Variants in CDH8 observed in about 807,000 individuals in gnomAD.
CDH8 encodes cadherin 8, also known as cadherin-8.
In CDH8, 17 loss-of-function variants were observed where a neutral mutation model predicts 68.1. The ratio of observed to expected loss-of-function variants is 0.25; its 90% CI spans 0.17 to 0.37. CDH8 has a LOEUF of 0.37. CDH8 is among the 10% of genes least tolerant of loss of function. CDH8 has a pLI of 1.00. For missense variants in CDH8, 763 were observed against 999.3 expected, an observed-to-expected ratio of 0.76 and a Z score of 3.19; for synonymous variants, 372 against 365.1, an observed-to-expected ratio of 1.02 and a Z score of -0.21.
chr16:61,895,353 T>TA (rs1440335945), intron 3 of CDH8, among the ~76,000 whole-genome samples: 1 of 152,180 alleles, frequency 6.6e-6, no homozygotes, highest in East Asian at 1.9e-4. Flanking sequence ...CTCAGCCACT[T>TA]AATATCTGAC....
intron 2 of CDH8, among the ~76,000 whole-genome samples, chr16:62,008,508 G>A (rs544658548): frequency 1.3e-5 from 2 of 151,666 alleles, no homozygotes; most frequent in African/African-American, 4.8e-5. Flanking sequence ...TTCTTTCTTG[G>A]GGGTTTGATG....
At chr16:61,814,249 T>A (rs954846507) in intron 7 of CDH8, among the ~76,000 whole-genome samples, 1 of 152,168 alleles carries the variant, frequency 6.6e-6, no homozygotes, top group African/African-American at 2.4e-5. Context: ...CTCCCTAAAT[T>A]CAAAATATGT....
At position 61,685,183 on chromosome 16, in the gene CDH8, G is replaced by GA. The variant is rs11357299; in HGVS notation, c.1654+28657dup. ...TTGTTTTCTCTAAAGGGTCCTGTCT[G>GA]AAAAAAAAAAAAAAAACCTACAGAT... On this transcript the variant is annotated intron_variant, in intron 10 of 11. Coordinates refer to ENST00000577390, the MANE Select transcript of CDH8 (RefSeq NM_001796.5). Among the ~76,000 whole-genome samples, 689 of 115,614 alleles carry GA rather than the reference G, an allele frequency of 6.0e-3. 1 individual carries two copies. Among genetic ancestry groups the GA allele is most frequent in the Middle Eastern group, 0.01 (2 of 200 alleles). 75.8% of individuals were successfully genotyped at this position (115,614 alleles called of 152,430 possible). A position where few individuals can be genotyped will look rare whatever the true frequency, so the allele number is the denominator to read the frequency against.
intron 8 of CDH8, among the ~76,000 whole-genome samples, chr16:61,774,459 G>GAAAAAAAAA (rs11318433): frequency 1.6e-5 from 2 of 123,216 alleles, no homozygotes; most frequent in African/African-American, 3.0e-5. Context: ...ATCACTCAGG[G>GAAAAAAAAA]AAAAAAAAAA....
intron 2 of CDH8, among the ~76,000 whole-genome samples, chr16:62,003,111 T>C (rs1037837903): frequency 1.3e-5 from 2 of 152,114 alleles, no homozygotes; most frequent in African/African-American, 4.8e-5. Context: ...GGTTACAAAT[T>C]GTCTTAATAA....
chr16:61,828,978 A>G (rs1195292790), intron 4 of CDH8, among the ~76,000 whole-genome samples: 1 of 151,792 alleles, frequency 6.6e-6, no homozygotes, highest in African/African-American at 2.4e-5. Context: ...TGGTGGCTAG[A>G]GTACAGAATA....
At chr16:61,675,768 A>G (rs1028318841) in intron 10 of CDH8, among the ~76,000 whole-genome samples, 5 of 151,672 alleles carry the variant, frequency 3.3e-5, no homozygotes, top group African/African-American at 1.2e-4. Context: ...CTATGAAGAA[A>G]AATTATTACA....
chr16:61,660,575 C>G (rs1262633576), intron 10 of CDH8, among the ~76,000 whole-genome samples: 1 of 151,804 alleles, frequency 6.6e-6, no homozygotes, highest in Non-Finnish European at 1.5e-5. Flanking sequence ...AAAAAATAGT[C>G]TATACATCCA....
At chr16:61,939,071 C>A (rs1350613372) in intron 2 of CDH8, among the ~76,000 whole-genome samples, 2 of 152,186 alleles carry the variant, frequency 1.3e-5, no homozygotes, top group African/African-American at 4.8e-5. Flanking sequence ...AGGCACTCAT[C>A]TCTTCATAAG....
chr16:61,969,325 C>A (rs140748619), intron 2 of CDH8, among the ~76,000 whole-genome samples: 1 of 152,272 alleles, frequency 6.6e-6, no homozygotes, highest in Non-Finnish European at 1.5e-5. Flanking sequence ...AATGGCAGAC[C>A]CATCATTGAA....
chr16:61,746,542 C>G (rs1434189754), intron 8 of CDH8, among the ~76,000 whole-genome samples: 1 of 142,416 alleles, frequency 7.0e-6, no homozygotes, highest in South Asian at 2.2e-4. Flanking sequence ...AAAGAAAACA[C>G]TTGATTCCCC....
At chr16:61,813,384 C>T (rs1166612537) in intron 7 of CDH8, among the ~76,000 whole-genome samples, 7 of 152,134 alleles carry the variant, frequency 4.6e-5, no homozygotes, top group Admixed American at 2.6e-4. Flanking sequence ...TTCTTTAATC[C>T]TCAGGTTTCA....
chr16:62,000,089 G>T (rs1965871662), intron 2 of CDH8, among the ~76,000 whole-genome samples: 1 of 151,924 alleles, frequency 6.6e-6, no homozygotes, highest in Non-Finnish European at 1.5e-5. Context: ...GTGTTAGTTT[G>T]CTGAGAATGA....
chr16:61,721,547 T>C (rs762601765), intron 9 of CDH8, among the ~76,000 whole-genome samples: 11 of 150,952 alleles, frequency 7.3e-5, no homozygotes, highest in Admixed American at 1.3e-4. Flanking sequence ...TATCTAGGGA[T>C]AATTACCTTT....
chr16:61,987,901 G>A (rs1049889863), intron 2 of CDH8, among the ~76,000 whole-genome samples: 1 of 152,166 alleles, frequency 6.6e-6, no homozygotes, highest in East Asian at 1.9e-4. Context: ...ATAGCCTTAT[G>A]AGGTACGTAA....
At chr16:61,999,697 G>T (rs12923121) in intron 2 of CDH8, among the ~76,000 whole-genome samples, 69,241 of 151,832 alleles carry the variant, frequency 0.46, 18,818 homozygotes, top group East Asian at 0.67. Context: ...CATGCATATC[G>T]CTTTCCGTGT....
At chr16:61,973,002 T>C (rs924793388) in intron 2 of CDH8, among the ~76,000 whole-genome samples, 4 of 152,200 alleles carry the variant, frequency 2.6e-5, no homozygotes, top group Non-Finnish European at 5.9e-5. Context: ...TCTAAATAGC[T>C]GAAAATACAA....
Position 61,981,851 on chromosome 16 carries a change from T to G in CDH8, c.252+39301A>C, listed in dbSNP as rs192367657. Among the ~76,000 whole-genome samples the G allele has an allele frequency of 4.6e-5, 7 of 152,326 alleles. No homozygotes were observed. The East Asian group carries it at 1.4e-3, about 29-fold the overall frequency. On this transcript the variant is annotated intron_variant, in intron 2 of 11. Coordinates refer to ENST00000577390, the MANE Select transcript of CDH8 (RefSeq NM_001796.5). ...AGAAAATAAATGGTCTTGTCTGTGT[T>G]ATTAAGGTTTTTAAGGTAAAAAGAA...
intron 3 of CDH8, among the ~76,000 whole-genome samples, chr16:61,872,769 G>A (rs536566816): frequency 2.3e-4 from 35 of 152,208 alleles, no homozygotes; most frequent in Admixed American, 9.8e-4. Context: ...CAGATGGTTC[G>A]GGGGACTTAG....
Sources: allele counts gnomAD v4.1 joint callset (sites outside exome capture counted in the v4.1 genomes callset), GRCh38; gene constraint gnomAD v4.1.1; transcripts MANE v1.5; gene names NCBI Gene and HGNC (gene_info 2026-07-23, HGNC 2026-07-21).